The following PCDHA6 variants were observed in gnomAD, a reference collection of about 807,000 sequenced individuals.
PCDHA6 encodes protocadherin alpha 6, also known as protocadherin alpha-6.
PCDHA6 carries 55 observed loss-of-function variants against 60.3 expected under a neutral mutation model. That is an observed-to-expected ratio of 0.91 (90% CI 0.73 to 1.14). The LOEUF is 1.14. Among genes scored for constraint, PCDHA6 ranks in the 50% most tolerant of loss-of-function variants. The pLI is 0.00. For missense variants in PCDHA6, 1,327 were observed against 1,256.5 expected, an observed-to-expected ratio of 1.06 and a Z score of -0.85; for synonymous variants, 652 against 557.9, an observed-to-expected ratio of 1.17 and a Z score of -2.38.
chr5:140,857,611 G>C, intron 1 of PCDHA6: 2 of 1,596,436 alleles, frequency 1.3e-6, no homozygotes, highest in Non-Finnish European at 1.7e-6. Flanking sequence ...CGCTGCAGCC[G>C]CTGGACCACG....
At chr5:140,843,257 C>T (rs146582216) in intron 1 of PCDHA6, 1 of 1,595,938 alleles carries the variant, frequency 6.3e-7, no homozygotes, top group African/African-American at 1.3e-5. Flanking sequence ...TCCGCGCCAC[C>T]GTCTGCTGGT....
chr5:140,958,799 C>T (rs889190378), intron 1 of PCDHA6, among the ~76,000 whole-genome samples: 3 of 152,104 alleles, frequency 2.0e-5, no homozygotes, highest in African/African-American at 7.2e-5. Context: ...AGTAAATTAT[C>T]ACACCATTCT....
At chr5:140,955,312 C>T (rs1022804259) in intron 1 of PCDHA6, among the ~76,000 whole-genome samples, 2 of 152,100 alleles carry the variant, frequency 1.3e-5, no homozygotes, top group Admixed American at 6.6e-5. Flanking sequence ...ACCCAAATCT[C>T]ACCTTGAATT....
At chr5:140,851,889 A>G in intron 1 of PCDHA6, 1 of 976,024 alleles carries the variant, frequency 1.0e-6, no homozygotes, top group East Asian at 1.1e-4. Context: ...TCTGGATATG[A>G]GATTTGCCTC....
intron 1 of PCDHA6, chr5:140,876,238 C>G (rs782170059): frequency 2.5e-6 from 4 of 1,613,896 alleles, no homozygotes; most frequent in Non-Finnish European, 3.4e-6. Context: ...TGAAAATGTC[C>G]AAAACGACAC....
intron 1 of PCDHA6, among the ~76,000 whole-genome samples, chr5:140,953,819 G>A (rs782420849): frequency 1.3e-5 from 2 of 151,904 alleles, no homozygotes; most frequent in Non-Finnish European, 1.5e-5. Context: ...GCATGTGCTA[G>A]TTGTGCAGGT....
chr5:140,996,557 T>C (rs1200836194), intron 3 of PCDHA6, among the ~76,000 whole-genome samples: 3 of 152,226 alleles, frequency 2.0e-5, no homozygotes, highest in Admixed American at 6.5e-5. Context: ...GTCACTATCT[T>C]GAAGTTCTTG....
chr5:140,920,118 T>A (rs1196076867), intron 1 of PCDHA6, among the ~76,000 whole-genome samples: 1 of 152,164 alleles, frequency 6.6e-6, no homozygotes, highest in Non-Finnish European at 1.5e-5. Context: ...CTTGCCAACA[T>A]CTTGAGTTTT....
At chr5:140,841,636 C>T (rs2150319848) in intron 1 of PCDHA6, 1 of 1,614,130 alleles carries the variant, frequency 6.2e-7, no homozygotes. Flanking sequence ...GCAGCATCCA[C>T]CTGGAGGTGA....
chr5:141,009,710 C>A lies in PCDHA6; in HGVS notation c.2626C>A (p.Pro876Thr), dbSNP rs2098413865. 1 of 1,613,980 alleles carries A rather than the reference C, an allele frequency of 6.2e-7. No individual in the cohort carries two copies. Among genetic ancestry groups the A allele is most frequent in the African/African-American group, 1.3e-5 (1 of 74,884 alleles). Residue 876 changes from proline (P) to threonine (T), a missense_variant, in exon 4 of 4, where the codon CCC becomes ACC. Pro to Thr is a conservative substitution (Grantham distance 38). Transcript: ENST00000529310. ...GACCTTTAAATACGGACCAGGCAAC[C>A]CCAAACAATCCGGTCCCGGTGAGTT... ...SWTFKYGPGN[P>T]KQSGPGELPD...
intron 1 of PCDHA6, among the ~76,000 whole-genome samples, chr5:140,932,809 CAT>C (rs782729907): frequency 3.3e-5 from 5 of 151,746 alleles, no homozygotes; most frequent in Admixed American, 6.6e-5. Flanking sequence ...ACCTTGGAAA[CAT>C]ATAAGTGGGA....
In PCDHA6 at chr5:140,829,894, A is replaced by C. The variant is rs201316180; in HGVS notation, c.1803A>C (p.Ser601=). 1.3e-5 allele frequency: 21 copies of C among 1,613,840 alleles called. No homozygotes were observed. The highest frequency in any genetic ancestry group is 1.7e-5 in the Non-Finnish European group (20 of 1,179,902). The change falls in exon 1 of 4, where the codon TCA becomes TCC. Residue 601 remains serine (S), a synonymous_variant. Coordinates refer to ENST00000529310, the MANE Select transcript of PCDHA6 (RefSeq NM_018909.4). ...VAKVRAVDAD[S]GYNAWLSYEL... ...AGGTGCGCGCAGTTGACGCCGACTC[A>C]GGCTACAACGCGTGGCTTTCGTATG...
chr5:140,911,915 G>A (rs553932242), intron 1 of PCDHA6, among the ~76,000 whole-genome samples: 3 of 152,226 alleles, frequency 2.0e-5, no homozygotes, highest in African/African-American at 7.2e-5. Flanking sequence ...CTCTCTAGAG[G>A]ACAGAACTAA....
intron 1 of PCDHA6, among the ~76,000 whole-genome samples, chr5:140,960,717 TATTTTAGTCCATG>T (rs1244851083): frequency 3.3e-4 from 10 of 30,264 alleles, no homozygotes; most frequent in African/African-American, 2.5e-3. Flanking sequence ...ATACTCATCT[TATTTTAGTCCATG>T]ATTTTAGTCC....
chr5:140,988,558 T>C lies in PCDHA6; in HGVS notation c.2542+5995T>C, dbSNP rs982984587. ...CCATTCATGACTTTCTTCATCTTCT[T>C]CTTGGGAAAACACTCTGTACCTTCC... On this transcript the variant is annotated intron_variant, in intron 3 of 3. Transcript: ENST00000529310. 3.9e-5 allele frequency among the ~76,000 whole-genome samples: 6 copies of C among 152,198 alleles called. 1 individual carries two copies. Among genetic ancestry groups the C allele is most frequent in the Admixed American group, 3.9e-4 (6 of 15,276 alleles).
At chr5:140,950,669 G>C (rs1554219570) in intron 1 of PCDHA6, among the ~76,000 whole-genome samples, 1 of 151,992 alleles carries the variant, frequency 6.6e-6, no homozygotes, top group African/African-American at 2.4e-5. Flanking sequence ...TATCAAACAT[G>C]TACATGTATA....
At chr5:140,850,765 G>A (rs2150497510) in intron 1 of PCDHA6, 1 of 1,598,120 alleles carries the variant, frequency 6.3e-7, no homozygotes, top group Admixed American at 1.7e-5. Flanking sequence ...AGGAGGCAGA[G>A]GGTGTGCTCT....
chr5:140,869,271 G>C (rs2050992128), intron 1 of PCDHA6: 1 of 1,613,468 alleles, frequency 6.2e-7, no homozygotes, highest in Admixed American at 1.7e-5. Flanking sequence ...GGCTGGAGCT[G>C]GCGGAGCTGG....
At chr5:140,870,745 G>A (rs369212308) in intron 1 of PCDHA6, 1 of 1,613,530 alleles carries the variant, frequency 6.2e-7, no homozygotes, top group South Asian at 1.1e-5. Context: ...GAGCAGCAAC[G>A]TGACGCTGCA....
Sources: gnomAD v4.1 joint callset for allele counts (sites outside exome capture counted in the v4.1 genomes callset) on GRCh38, gnomAD v4.1.1 for gene constraint, MANE v1.5 for transcripts, NCBI Gene and HGNC (gene_info 2026-07-23, HGNC 2026-07-21) for gene names.